Variants in SCN4B observed in about 807,000 individuals in gnomAD.
SCN4B encodes sodium voltage-gated channel beta subunit 4.
A neutral mutation model predicts 19.6 loss-of-function variants in SCN4B; 20 were observed. The observed-to-expected ratio is 1.02, with a 90% CI of 0.72 to 1.48. The LOEUF is 1.48. Ranked by LOEUF, SCN4B falls within the 40% of genes most tolerant of loss-of-function variation. The pLI is 0.00. For missense variants in SCN4B, 271 were observed against 287.5 expected (o/e 0.94, Z 0.42); for synonymous variants, 127 against 122.8 (o/e 1.03, Z -0.22).
intron 2 of SCN4B, among the ~76,000 whole-genome samples, chr11:118,144,342 C>T (rs371070896): frequency 1.3e-5 from 2 of 152,202 alleles, no homozygotes; most frequent in Non-Finnish European, 2.9e-5. Context: ...TTCATAAAAG[C>T]CTTTTACCTA....
intron 1 of SCN4B, among the ~76,000 whole-genome samples, chr11:118,147,348 C>A (rs947319761): frequency 3.3e-5 from 5 of 152,034 alleles, no homozygotes; most frequent in Admixed American, 2.0e-4. Flanking sequence ...TCTCATTTAA[C>A]CCTCATCATA....
rs1473100965 is a variant in SCN4B at position 118,133,867 on chromosome 11, C to T, written c.*3160G>A. ...GTCTTCTCTGCCTTTGATTCTTTCT[C>T]AGTCTCCAGATGCCTCAACAGGCAT... On this transcript the variant is annotated 3_prime_UTR_variant, in exon 5 of 5. Transcript: ENST00000324727. 2 of 454,466 alleles carry T rather than the reference C, an allele frequency of 4.4e-6. No individual in the cohort carries two copies. The highest frequency in any genetic ancestry group is 8.8e-6 in the Non-Finnish European group (2 of 226,800). 28.2% of individuals were successfully genotyped at this position (454,466 alleles called of 1,614,324 possible). A position where few individuals can be genotyped will look rare whatever the true frequency, so the allele number is the denominator to read the frequency against.
At chr11:118,143,401 C>T (rs1366770159) in intron 3 of SCN4B, among the ~76,000 whole-genome samples, 1 of 152,230 alleles carries the variant, frequency 6.6e-6, no homozygotes, top group East Asian at 1.9e-4. Flanking sequence ...CTACCTTGTA[C>T]TGTGAATTCC....
At position 118,133,618 on chromosome 11, in the gene SCN4B, A is replaced by G. The variant is rs1359444850; in HGVS notation, c.*3409T>C. On this transcript the variant is annotated 3_prime_UTR_variant, in exon 5 of 5. Coordinates refer to ENST00000324727, the MANE Select transcript of SCN4B (RefSeq NM_174934.4). ...TTGACTATGGGTATTGTTGTCATCC[A>G]AGCCAGAGGAATAAACCATGCATAA... 1 of 454,568 alleles carries G rather than the reference A, an allele frequency of 2.2e-6. No homozygotes were observed. Among genetic ancestry groups the G allele is most frequent in the East Asian group, 6.9e-5 (1 of 14,404 alleles). 28.2% of individuals were successfully genotyped at this position (454,568 alleles called of 1,614,324 possible).
Position 118,141,277 on chromosome 11 carries a change from C to T in SCN4B, c.523G>A (p.Gly175Arg). 2 of 1,612,590 alleles carry T rather than the reference C, an allele frequency of 1.2e-6. No homozygotes were observed. Among genetic ancestry groups the T allele is most frequent in the Non-Finnish European group, 1.7e-6 (2 of 1,179,966 alleles). The change falls in exon 4 of 5, where the codon GGG becomes AGG. Residue 175 changes from glycine (G) to arginine (R), a missense_variant. Coordinates refer to ENST00000324727, the MANE Select transcript of SCN4B (RefSeq NM_174934.4). ...ATCAGCAGGATGAGGATGAGGAGCC[C>T]GATGACCCCGCCCACGACAGCCAGG... ...IILAVVGGVI[G>R]LLILILLIKK...
rs1565450558 is a variant in SCN4B, at chr11:118,133,826, T to G, written c.*3201A>C. On this transcript the variant is annotated 3_prime_UTR_variant, in exon 5 of 5. Transcript: ENST00000324727. ...GAGATGAAGTCATGGAGTGACGGAA[T>G]GCAGGAGCACGGCTGGTCTTCTCTG... 1 of 454,542 alleles carries G rather than the reference T, an allele frequency of 2.2e-6. No homozygotes were observed. Among genetic ancestry groups the G allele is most frequent in the Non-Finnish European group, 4.4e-6 (1 of 226,792 alleles). 28.2% of individuals were successfully genotyped at this position (454,542 alleles called of 1,614,324 possible).
In SCN4B at chr11:118,145,228, GC is replaced by G; in HGVS notation, c.62del (p.Gly21AlafsTer7). The G allele has an allele frequency of 6.2e-7, 1 of 1,614,058 alleles. No homozygotes were observed. The highest frequency in any genetic ancestry group is 1.1e-5 in the South Asian group (1 of 91,082). Reference sequence around the variant, plus strand: ...ACAGGGTTACGGGGAGCAGGAAGAGGCCTGTGTAAGGAGCACCGCCTCCCTT... The same window carrying G: ...ACAGGGTTACGGGGAGCAGGAAGAGGCTGTGTAAGGAGCACCGCCTCCCTT... The part of the protein sequence containing the change: ...PARWLGTGLL[G>X]LFLLPVTLSL... On this transcript the variant is annotated frameshift_variant and splice_region_variant, in exon 2 of 5. Coordinates refer to ENST00000324727, the MANE Select transcript of SCN4B (RefSeq NM_174934.4). LOFTEE classifies it high-confidence loss of function.
intron 1 of SCN4B, among the ~76,000 whole-genome samples, chr11:118,149,025 G>A (rs1248238734): frequency 6.6e-6 from 1 of 152,184 alleles, no homozygotes; most frequent in Non-Finnish European, 1.5e-5. Context: ...TCTCAGAGCA[G>A]CCATTTTCTT....
intron 3 of SCN4B, among the ~76,000 whole-genome samples, chr11:118,143,208 G>C (rs1039223219): frequency 2.6e-5 from 4 of 152,144 alleles, no homozygotes; most frequent in African/African-American, 9.7e-5. Context: ...GGACCACCTG[G>C]CTCCTTTTCA....
rs1008614865 is a variant in SCN4B, at chr11:118,148,984, A to C, written c.61+3629T>G. 6.6e-6 allele frequency among the ~76,000 whole-genome samples: 1 copy of C among 152,114 alleles called. No individual in the cohort carries two copies. The highest frequency in any genetic ancestry group is 2.4e-5 in the African/African-American group (1 of 41,414). On this transcript the variant is annotated intron_variant, in intron 1 of 4. Transcript: ENST00000324727. The surrounding 1 kb of genome is among the most constrained non-coding windows in gnomAD (Gnocchi z 4.0). ...CCTGTGGAATTCCATCCTGAACCCCAAAATCTTGCTTTTCCTCACTAAAAA... is the reference window on the plus strand; with the variant it reads ...CCTGTGGAATTCCATCCTGAACCCCCAAATCTTGCTTTTCCTCACTAAAAA...
In SCN4B at chr11:118,143,968, TCTC is replaced by T. The variant is rs763512214; in HGVS notation, c.325_327del (p.Glu109del). 4.3e-6 allele frequency: 7 copies of T among 1,614,168 alleles called. No homozygotes were observed. The South Asian group carries it at 6.6e-5, about 15-fold the overall frequency. On this transcript the variant is annotated inframe_deletion, in exon 3 of 5. Coordinates refer to ENST00000324727, the MANE Select transcript of SCN4B (RefSeq NM_174934.4). ...AGCACAATGGAAATGTTGTTCATCTTCTCCTTAGTAGAGCCTACCAGAGTGATG... is the reference window on the plus strand; with the variant it reads ...AGCACAATGGAAATGTTGTTCATCTTCTTAGTAGAGCCTACCAGAGTGATG...
chr11:118,150,522 C>G (rs1948224675), intron 1 of SCN4B, among the ~76,000 whole-genome samples: 1 of 152,192 alleles, frequency 6.6e-6, no homozygotes, highest in African/African-American at 2.4e-5. Flanking sequence ...TTTACCTTCC[C>G]CCTCACCAGA....
At position 118,141,231 on chromosome 11, in the gene SCN4B, A is replaced by G; in HGVS notation, c.569T>C (p.Ile190Thr). 1 of 1,612,916 alleles carries G rather than the reference A, an allele frequency of 6.2e-7. No homozygotes were observed. The highest frequency in any genetic ancestry group is 1.7e-5 in the Admixed American group (1 of 59,994). ...ILLIKKLIIFILKKTREKKKE... is the reference protein window; with the variant it reads ...ILLIKKLIIFTLKKTREKKKE... ...CTTCTTCTCCCGAGTCTTCTTCAGGATGAAGATGATGAGTTTCTTGATCAG... is the reference window on the plus strand; with the variant it reads ...CTTCTTCTCCCGAGTCTTCTTCAGGGTGAAGATGATGAGTTTCTTGATCAG... The change falls in exon 4 of 5, where the codon ATC becomes ACC. Residue 190 changes from isoleucine (I) to threonine (T), a missense_variant. Coordinates refer to ENST00000324727, the MANE Select transcript of SCN4B (RefSeq NM_174934.4).
intron 4 of SCN4B, among the ~76,000 whole-genome samples, chr11:118,140,870 C>T (rs1303263365): frequency 6.6e-6 from 1 of 152,056 alleles, no homozygotes; most frequent in Non-Finnish European, 1.5e-5. Context: ...TTCAAAGGCT[C>T]CTTAAGTCCT....
intron 2 of SCN4B, 105 bp downstream of exon 2, chr11:118,144,952 C>T: frequency 8.6e-7 from 1 of 1,164,418 alleles, no homozygotes; most frequent in East Asian, 2.3e-5. Context: ...AAGGTGGGTT[C>T]TGGGGACCAT....
intron 1 of SCN4B, among the ~76,000 whole-genome samples, chr11:118,146,213 C>T (rs985343193): frequency 1.3e-5 from 2 of 152,212 alleles, no homozygotes; most frequent in African/African-American, 2.4e-5. Flanking sequence ...CACTCCGATG[C>T]GGCCCCCTCC....
In SCN4B at chr11:118,134,040, C is replaced by T. The variant is rs1947956293; in HGVS notation, c.*2987G>A. On this transcript the variant is annotated 3_prime_UTR_variant, in exon 5 of 5. Coordinates refer to ENST00000324727, the MANE Select transcript of SCN4B (RefSeq NM_174934.4). ...GCACACTCCACACAAGCACACCCCA[C>T]CTCCTGCCATCTCACAAGCATGCTC... 1 of 454,656 alleles carries T rather than the reference C, an allele frequency of 2.2e-6. No homozygotes were observed. The highest frequency in any genetic ancestry group is 4.4e-6 in the Non-Finnish European group (1 of 226,806). 28.2% of individuals were successfully genotyped at this position (454,656 alleles called of 1,614,324 possible). A position where few individuals can be genotyped will look rare whatever the true frequency, so the allele number is the denominator to read the frequency against.
At chr11:118,149,678 C>G (rs918156196) in intron 1 of SCN4B, among the ~76,000 whole-genome samples, 1 of 152,200 alleles carries the variant, frequency 6.6e-6, no homozygotes, top group Non-Finnish European at 1.5e-5. Context: ...CAGCAGCATG[C>G]CTGTCCCTCC....
In SCN4B at chr11:118,136,304, G is replaced by T. The variant is rs1380901683; in HGVS notation, c.*723C>A. ...CGGGTACTCCAGGAAGGCTCGAGGG[G>T]CCCCTTCCTGAGCCCCTCAGTAACC... On this transcript the variant is annotated 3_prime_UTR_variant, in exon 5 of 5. Transcript: ENST00000324727. 2.2e-6 allele frequency: 1 copy of T among 453,860 alleles called. No individual in the cohort carries two copies. Among genetic ancestry groups the T allele is most frequent in the Non-Finnish European group, 4.4e-6 (1 of 226,700 alleles). The allele number at this position is 453,860 out of a possible 1,614,324, so 28.1% of individuals were successfully genotyped here. A position where few individuals can be genotyped will look rare whatever the true frequency, so the allele number is the denominator to read the frequency against.
Sources: allele counts gnomAD v4.1 joint callset (sites outside exome capture counted in the v4.1 genomes callset), GRCh38; gene constraint gnomAD v4.1.1; non-coding constraint Gnocchi (gnomAD v3.1); transcripts MANE v1.5; gene names NCBI Gene and HGNC (gene_info 2026-07-23, HGNC 2026-07-21).